SIPA1L2: variants seen among roughly 807,000 people sequenced by gnomAD.
SIPA1L2 encodes signal-induced proliferation-associated 1-like protein 2.
In SIPA1L2, 56 loss-of-function variants were observed where a neutral mutation model predicts 163.9. That is an observed-to-expected ratio of 0.34 (90% CI 0.28 to 0.43). The LOEUF (loss-of-function observed/expected upper bound fraction) is 0.43, where lower values mean the gene tolerates loss of function less well. Ranked by LOEUF, SIPA1L2 falls within the 20% of genes least tolerant of loss-of-function variation. The pLI is 1.00. For missense variants in SIPA1L2, 1,974 were observed against 2,193.5 expected (o/e 0.90, Z 2.00); for synonymous variants, 877 against 865.7 (o/e 1.01, Z -0.23).
intron 14 of SIPA1L2, among the ~76,000 whole-genome samples, chr1:232,439,853 C>T (rs949598488): frequency 2.0e-5 from 3 of 152,170 alleles, no homozygotes; most frequent in Non-Finnish European, 2.9e-5. Flanking sequence ...AGAAGGGCCA[C>T]TTATTAAGAA....
At chr1:232,607,830 C>A (rs572837904) in intron 1 of SIPA1L2, among the ~76,000 whole-genome samples, 1 of 150,720 alleles carries the variant, frequency 6.6e-6, no homozygotes, top group Admixed American at 6.6e-5. Flanking sequence ...CAGAGGCAGG[C>A]GGATCACCTT....
chr1:232,495,379 T>C (rs574007518), intron 3 of SIPA1L2, among the ~76,000 whole-genome samples: 2 of 152,068 alleles, frequency 1.3e-5, no homozygotes, highest in African/African-American at 4.8e-5. Flanking sequence ...CTGGCTAACA[T>C]GGTGAAATCC....
chr1:232,509,837 A>G (rs1033617218), intron 3 of SIPA1L2, among the ~76,000 whole-genome samples: 7 of 152,250 alleles, frequency 4.6e-5, no homozygotes, highest in Non-Finnish European at 7.3e-5. Context: ...AGGAGGAGGC[A>G]GGACACAGTT....
chr1:232,497,169 G>A (rs544321793), intron 3 of SIPA1L2, among the ~76,000 whole-genome samples: 3 of 152,182 alleles, frequency 2.0e-5, no homozygotes, highest in East Asian at 1.9e-4. Context: ...GGAAGGGAGA[G>A]CAAAGGGCCA....
chr1:232,622,164 C>T (rs1287338919), intron 1 of SIPA1L2, among the ~76,000 whole-genome samples: 1 of 152,202 alleles, frequency 6.6e-6, no homozygotes, highest in Non-Finnish European at 1.5e-5. Flanking sequence ...CACAGCATAC[C>T]TTATACACAA....
chr1:232,500,043 T>C (rs1393078268), intron 3 of SIPA1L2, among the ~76,000 whole-genome samples: 1 of 152,132 alleles, frequency 6.6e-6, no homozygotes, highest in Non-Finnish European at 1.5e-5. Context: ...AGTGGCACGA[T>C]CTTGGCTCAC....
At chr1:232,542,901 C>T (rs774096275) in intron 2 of SIPA1L2, among the ~76,000 whole-genome samples, 1 of 152,216 alleles carries the variant, frequency 6.6e-6, no homozygotes, top group Non-Finnish European at 1.5e-5. Context: ...ATGAATGGAA[C>T]ATGCTTTGTT....
intron 2 of SIPA1L2, among the ~76,000 whole-genome samples, chr1:232,541,129 G>T (rs557983008): frequency 2.0e-5 from 3 of 152,074 alleles, no homozygotes; most frequent in Non-Finnish European, 4.4e-5. Flanking sequence ...CAGAATAAAC[G>T]GCTAATGCAC....
intron 2 of SIPA1L2, among the ~76,000 whole-genome samples, chr1:232,572,351 T>C (rs1429638435): frequency 6.6e-6 from 1 of 152,168 alleles, no homozygotes; most frequent in Admixed American, 6.5e-5. Context: ...ACCTCCCATT[T>C]CCTATGCTGA....
At chr1:232,543,480 CTTT>C in intron 2 of SIPA1L2, among the ~76,000 whole-genome samples, 1 of 2,602 alleles carries the variant, frequency 3.8e-4, no homozygotes, top group South Asian at 0.012. Context: ...GAAGACCTTT[CTTT>C]ATAGGATCCA....
intron 2 of SIPA1L2, among the ~76,000 whole-genome samples, chr1:232,520,008 G>A (rs2103057588): frequency 6.6e-6 from 1 of 152,318 alleles, no homozygotes; most frequent in Non-Finnish European, 1.5e-5. Context: ...GACCTTGTCA[G>A]CAACATGAAT....
At chr1:232,472,821 A>G (rs1227414273) in intron 7 of SIPA1L2, among the ~76,000 whole-genome samples, 2 of 152,250 alleles carry the variant, frequency 1.3e-5, no homozygotes, top group East Asian at 3.8e-4. Flanking sequence ...ACTCAGATAC[A>G]AAAAGGATTT....
At chr1:232,617,697 T>C (rs541015299) in intron 1 of SIPA1L2, among the ~76,000 whole-genome samples, 4 of 151,926 alleles carry the variant, frequency 2.6e-5, no homozygotes, top group East Asian at 1.9e-4. Context: ...AAAGAGTAAG[T>C]TGACCGGGCA....
chr1:232,416,015 T>C (rs375927123), intron 18 of SIPA1L2: 1,456 of 119,492 alleles, frequency 0.012, no homozygotes, highest in Middle Eastern at 0.017. Context: ...GGCACCACTG[T>C]CCCTCCCAGA....
At chr1:232,575,575 A>G (rs1473647173) in intron 1 of SIPA1L2, among the ~76,000 whole-genome samples, 1 of 152,194 alleles carries the variant, frequency 6.6e-6, no homozygotes, top group African/African-American at 2.4e-5. Flanking sequence ...CAATGTAGAC[A>G]GTTCTGAGTT....
chr1:232,556,997 A>T (rs1658749357), intron 2 of SIPA1L2, among the ~76,000 whole-genome samples: 1 of 152,182 alleles, frequency 6.6e-6, no homozygotes, highest in South Asian at 2.1e-4. Flanking sequence ...TGTGGAAGAA[A>T]TCCCACACCC....
chr1:232,501,580 C>T (rs1666483598), intron 3 of SIPA1L2, among the ~76,000 whole-genome samples: 1 of 152,194 alleles, frequency 6.6e-6, no homozygotes, highest in Non-Finnish European at 1.5e-5. Context: ...ACTAAGTACC[C>T]ACTTTAGTTA....
intron 10 of SIPA1L2, among the ~76,000 whole-genome samples, chr1:232,455,221 G>A (rs998892868): frequency 2.0e-5 from 3 of 152,150 alleles, no homozygotes; most frequent in African/African-American, 7.2e-5. Flanking sequence ...ATACTGGAGC[G>A]TCCATAAGAC....
chr1:232,469,539 C>T (rs910647641), intron 8 of SIPA1L2, among the ~76,000 whole-genome samples: 7 of 152,064 alleles, frequency 4.6e-5, no homozygotes, highest in African/African-American at 1.4e-4. Context: ...GCAAGATCAA[C>T]GAAGCTGATG....
Sources: allele counts gnomAD v4.1 joint callset (sites outside exome capture counted in the v4.1 genomes callset), GRCh38; gene constraint gnomAD v4.1.1; transcripts MANE v1.5; gene names NCBI Gene and HGNC (gene_info 2026-07-23, HGNC 2026-07-21).